Variants in RANBP2 observed in about 807,000 individuals in gnomAD.
The protein encoded by RANBP2 is RAN binding protein 2, also known as E3 SUMO-protein ligase RanBP2.
Under a neutral mutation model 303.6 loss-of-function variants are expected in RANBP2, and 57 were observed. That is an observed-to-expected ratio of 0.19 (90% CI 0.15 to 0.23). The LOEUF (loss-of-function observed/expected upper bound fraction) is 0.23. Among genes scored for constraint, RANBP2 ranks in the 10% least tolerant of loss-of-function variants. The pLI is 1.00. For synonymous variants in RANBP2, 1,167 were observed against 1,301.5 expected (o/e 0.90, Z 2.23); for missense variants, 3,138 against 3,780.8 (o/e 0.83, Z 4.46).
chr2:109,287,020 C>G, the RANBP2 span, among the ~76,000 whole-genome samples: 1,036 of 152,300 alleles, frequency 6.8e-3, 3 homozygotes, highest in Non-Finnish European at 0.011. Flanking sequence ...GTGCTCAGCT[C>G]TGCACTGCTC....
chr2:109,128,343 G>GA, the RANBP2 span: 4 of 152,194 alleles, frequency 2.6e-5, no homozygotes, highest in Non-Finnish European at 4.4e-5. Context: ...GGGGGTTCAC[G>GA]AGACTGCGCC....
the RANBP2 span, among the ~76,000 whole-genome samples, chr2:109,411,733 C>T: frequency 3.3e-5 from 5 of 152,198 alleles, no homozygotes; most frequent in South Asian, 2.1e-4. Flanking sequence ...GCCGGCCACA[C>T]GGGAGCCACG....
the RANBP2 span, among the ~76,000 whole-genome samples, chr2:108,947,062 A>G: frequency 2.0e-5 from 3 of 152,218 alleles, no homozygotes; most frequent in African/African-American, 7.2e-5. Flanking sequence ...CCAAGATACA[A>G]TGGAGATACA....
At chr2:109,039,356 AT>A in the RANBP2 span, among the ~76,000 whole-genome samples, 193 of 147,458 alleles carry the variant, frequency 1.3e-3, 1 homozygote, top group Non-Finnish European at 1.7e-3. Flanking sequence ...GTCTTTTAAG[AT>A]TTTTTTTTTT....
At chr2:109,501,525 C>T in the RANBP2 span, 1 of 779,020 alleles carries the variant, frequency 1.3e-6, no homozygotes, top group South Asian at 1.4e-5. Context: ...GGTCTCGTAC[C>T]CACCCCAGAG....
At chr2:108,968,881 G>A in the RANBP2 span, among the ~76,000 whole-genome samples, 1 of 152,214 alleles carries the variant, frequency 6.6e-6, no homozygotes, top group African/African-American at 2.4e-5. Context: ...CCCAGTCACG[G>A]TAGGGTTACA....
At chr2:108,949,620 C>G in the RANBP2 span, among the ~76,000 whole-genome samples, 1 of 152,188 alleles carries the variant, frequency 6.6e-6, no homozygotes. Flanking sequence ...AGATTTCTCC[C>G]TCTTGCTCAT....
the RANBP2 span, among the ~76,000 whole-genome samples, chr2:108,825,809 C>T: frequency 5.9e-5 from 9 of 152,142 alleles, no homozygotes; most frequent in Non-Finnish European, 1.2e-4. Flanking sequence ...TTCTTGACTA[C>T]ATACCTAAGA....
chr2:108,786,739 C>A, downstream of RANBP2: 1 of 1,295,568 alleles, frequency 7.7e-7, no homozygotes, highest in Non-Finnish European at 1.1e-6. Context: ...CGGGGTCTGG[C>A]ACGTCGTGAC....
the RANBP2 span, chr2:108,873,457 T>C: frequency 6.3e-7 from 1 of 1,596,392 alleles, no homozygotes; most frequent in East Asian, 2.2e-5. Context: ...GCAGAATCCT[T>C]GCAGCCTTTC....
chr2:109,549,432 G>A, the RANBP2 span, among the ~76,000 whole-genome samples: 1 of 152,220 alleles, frequency 6.6e-6, no homozygotes, highest in Non-Finnish European at 1.5e-5. Context: ...GCAGGGAAGT[G>A]TGAATGTGAC....
chr2:109,008,638 C>G, the RANBP2 span, among the ~76,000 whole-genome samples: 1 of 150,054 alleles, frequency 6.7e-6, no homozygotes, highest in East Asian at 2.0e-4. Flanking sequence ...TGCGGTGGCT[C>G]ACATCTGTAA....
the RANBP2 span, among the ~76,000 whole-genome samples, chr2:108,994,107 CA>C: frequency 6.6e-6 from 1 of 152,198 alleles, no homozygotes; most frequent in African/African-American, 2.4e-5. Context: ...GAGACACAGA[CA>C]CCCAGACCAC....
chr2:109,614,098 G>A, the RANBP2 span: 1 of 1,210,184 alleles, frequency 8.3e-7, no homozygotes, highest in Non-Finnish European at 1.0e-6. Flanking sequence ...AGGACTGAGC[G>A]TCAGCGTTGG....
intron 25 of RANBP2, among the ~76,000 whole-genome samples, chr2:108,779,790 G>A (rs1678118962): frequency 6.6e-6 from 1 of 152,170 alleles, no homozygotes; most frequent in Admixed American, 6.5e-5. Flanking sequence ...GAAGTAGGAT[G>A]CTTAACAATC....
the RANBP2 span, among the ~76,000 whole-genome samples, chr2:109,435,746 C>G: frequency 6.6e-6 from 1 of 152,364 alleles, no homozygotes; most frequent in Non-Finnish European, 1.5e-5. Flanking sequence ...AGTGACTCAT[C>G]ATTTGTGAGC....
At chr2:108,910,850 G>T in the RANBP2 span, 2 of 1,613,992 alleles carry the variant, frequency 1.2e-6, no homozygotes, top group Non-Finnish European at 1.7e-6. Context: ...GGTGCAACAG[G>T]CTGGGGAGAG....
At chr2:108,975,847 C>T in the RANBP2 span, among the ~76,000 whole-genome samples, 1 of 152,194 alleles carries the variant, frequency 6.6e-6, no homozygotes, top group Non-Finnish European at 1.5e-5. Context: ...CACCCCTCAA[C>T]TGCTGGACGG....
the RANBP2 span, among the ~76,000 whole-genome samples, chr2:109,082,535 G>A: frequency 2.6e-5 from 4 of 151,952 alleles, no homozygotes; most frequent in South Asian, 6.2e-4. Flanking sequence ...TCCTGACCTC[G>A]TGATCCACCT....
Sources: allele counts gnomAD v4.1 joint callset (sites outside exome capture counted in the v4.1 genomes callset), GRCh38; gene constraint gnomAD v4.1.1; transcripts MANE v1.5; gene names NCBI Gene and HGNC (gene_info 2026-07-23, HGNC 2026-07-21).